CEP128: variants seen among roughly 807,000 people sequenced by gnomAD.
CEP128 encodes centrosomal protein 128, also known as centrosomal protein 128kDa.
A neutral mutation model predicts 156.7 loss-of-function variants in CEP128; 132 were observed. The observed-to-expected ratio is 0.84, with a 90% CI of 0.73 to 0.97. The LOEUF is 0.97. Ranked by LOEUF, CEP128 falls within the 50% of genes least tolerant of loss-of-function variation. The pLI, the probability that CEP128 is intolerant of heterozygous loss-of-function variation, is 0.00. For missense variants in CEP128, 1,252 were observed against 1,281.9 expected (o/e 0.98, Z 0.36); for synonymous variants, 469 against 448.9 (o/e 1.04, Z -0.57).
intron 19 of CEP128, among the ~76,000 whole-genome samples, chr14:80,632,431 A>G (rs1872137985): frequency 6.7e-6 from 1 of 148,756 alleles, no homozygotes; most frequent in African/African-American, 2.4e-5. Context: ...AATATGGTAC[A>G]TATATATCAG....
chr14:80,922,431 G>T (rs147664062), intron 2 of CEP128, among the ~76,000 whole-genome samples: 1 of 152,026 alleles, frequency 6.6e-6, no homozygotes, highest in Non-Finnish European at 1.5e-5. Flanking sequence ...TATTATTTTC[G>T]CTGTGTAGTT....
At chr14:80,677,651 G>C (rs574201604) in intron 19 of CEP128, among the ~76,000 whole-genome samples, 10 of 151,976 alleles carry the variant, frequency 6.6e-5, no homozygotes, top group African/African-American at 2.2e-4. Flanking sequence ...ACTTAAGGAA[G>C]TTGTGAGTTA....
intron 19 of CEP128, among the ~76,000 whole-genome samples, chr14:80,713,848 C>G (rs1897503468): frequency 6.6e-6 from 1 of 152,096 alleles, no homozygotes; most frequent in South Asian, 2.1e-4. Context: ...TGCAACTAGC[C>G]TATTTGCACA....
At chr14:80,651,426 C>T (rs930876708) in intron 19 of CEP128, among the ~76,000 whole-genome samples, 1 of 152,088 alleles carries the variant, frequency 6.6e-6, no homozygotes, top group African/African-American at 2.4e-5. Context: ...TTCAGTTCCA[C>T]TCTGATCTTA....
chr14:80,777,786 G>T, intron 16 of CEP128, 96 bp downstream of exon 16: 1 of 966,626 alleles, frequency 1.0e-6, no homozygotes, highest in Non-Finnish European at 1.5e-6. Context: ...TCCCTGTGAA[G>T]GACTACAATT....
intron 13 of CEP128, among the ~76,000 whole-genome samples, chr14:80,799,390 C>A (rs1007459725): frequency 2.0e-5 from 3 of 152,102 alleles, no homozygotes; most frequent in African/African-American, 4.8e-5. Flanking sequence ...TTGTGTTAAG[C>A]GTACAGATTG....
intron 19 of CEP128, among the ~76,000 whole-genome samples, chr14:80,701,658 C>T (rs989230428): frequency 9.9e-5 from 15 of 152,150 alleles, no homozygotes; most frequent in African/African-American, 3.4e-4. Flanking sequence ...CTAATTCCAA[C>T]GTTTAGTTCA....
intron 13 of CEP128, among the ~76,000 whole-genome samples, chr14:80,802,591 C>T (rs1438655083): frequency 6.6e-6 from 1 of 151,726 alleles, no homozygotes; most frequent in Non-Finnish European, 1.5e-5. Context: ...ATAGGTACAG[C>T]AAACCACCAT....
At position 80,502,062 on chromosome 14, in the gene CEP128, T is replaced by C. The variant is rs189278307; in HGVS notation, c.3181+2850A>G. ...AATTAAAAGTGGTTATAACTGTGAG[T>C]GCAGAACTGCTTCTGAGCTGCTGCT... On this transcript the variant is annotated intron_variant, in intron 24 of 24. Transcript: ENST00000555265. Among the ~76,000 whole-genome samples, 191 of 152,260 alleles carry C rather than the reference T, an allele frequency of 1.3e-3. 1 individual carries two copies. Among genetic ancestry groups the C allele is most frequent in the African/African-American group, 4.4e-3 (183 of 41,552 alleles).
chr14:80,828,123 CTTTTT>C (rs1008856396), intron 13 of CEP128, among the ~76,000 whole-genome samples: 1 of 126,968 alleles, frequency 7.9e-6, no homozygotes, highest in African/African-American at 3.1e-5. Flanking sequence ...CTTCTTTTTT[CTTTTT>C]TTTTTTTTTT....
chr14:80,648,186 C>G (rs758745542), intron 19 of CEP128, among the ~76,000 whole-genome samples: 9 of 151,986 alleles, frequency 5.9e-5, no homozygotes, highest in Admixed American at 2.6e-4. Flanking sequence ...GAACTTGGGT[C>G]TCTGAGTCAG....
chr14:80,650,176 C>T (rs1014965599), intron 19 of CEP128, among the ~76,000 whole-genome samples: 4 of 152,080 alleles, frequency 2.6e-5, no homozygotes, highest in Admixed American at 1.3e-4. Flanking sequence ...CTCTTTGCAG[C>T]AATTGTGAAT....
chr14:80,714,186 A>G (rs1897515969), intron 19 of CEP128, among the ~76,000 whole-genome samples: 1 of 152,180 alleles, frequency 6.6e-6, no homozygotes, highest in Non-Finnish European at 1.5e-5. Flanking sequence ...TCCACTCACT[A>G]AACAAGGCCA....
intron 2 of CEP128, chr14:80,955,816 C>T (rs1276734165): frequency 6.2e-7 from 1 of 1,614,106 alleles, no homozygotes; most frequent in Non-Finnish European, 8.5e-7. Flanking sequence ...GGATATTCAA[C>T]GCATCCCCAG....
chr14:80,514,856 C>T (rs1043891209), intron 23 of CEP128, among the ~76,000 whole-genome samples: 1 of 152,090 alleles, frequency 6.6e-6, no homozygotes, highest in African/African-American at 2.4e-5. Flanking sequence ...TTGGATCCAT[C>T]CTTTCTGAGA....
At chr14:80,656,323 A>ATATTTATATATATATATATATATATTT (rs1555387593) in intron 19 of CEP128, among the ~76,000 whole-genome samples, 5 of 33,494 alleles carry the variant, frequency 1.5e-4, no homozygotes, top group Non-Finnish European at 2.8e-4. Flanking sequence ...ATATATATAT[A>ATATTTATATATATATATATATATATTT]TATATATATA....
At position 80,784,911 on chromosome 14, in the gene CEP128, T is replaced by G. The variant is rs327463; in HGVS notation, c.2195A>C (p.His732Pro). 1 of 1,609,098 alleles carries G rather than the reference T, an allele frequency of 6.2e-7. No homozygotes were observed. The highest frequency in any genetic ancestry group is 8.5e-7 in the Non-Finnish European group (1 of 1,177,286). The change falls in exon 15 of 25, where the codon CAT becomes CCT. Residue 732 changes from histidine to proline, a missense_variant. Physicochemically the swap from His to Pro is moderately conservative, Grantham distance 77. Transcript: ENST00000555265. The part of the protein sequence containing the change: ...FKKEKSEAEN[H>P]IRTLKAESLE... ...CAGAGGTACCTTCAGAGTCCTGATA[T>G]GATTCTCAGCCTCACTCTTTTCTTT...
intron 8 of CEP128, among the ~76,000 whole-genome samples, chr14:80,883,207 A>C (rs142859724): frequency 5.6e-4 from 86 of 152,228 alleles, no homozygotes; most frequent in Non-Finnish European, 1.1e-3. Flanking sequence ...TTAAATAAAA[A>C]ATTTTTTAAA....
At chr14:80,913,380 T>C (rs1884358175) in intron 4 of CEP128, among the ~76,000 whole-genome samples, 1 of 152,246 alleles carries the variant, frequency 6.6e-6, no homozygotes, top group Non-Finnish European at 1.5e-5. Flanking sequence ...ATATACATTA[T>C]TAAATTTTAA....
Sources: gnomAD v4.1 joint callset for allele counts (sites outside exome capture counted in the v4.1 genomes callset) on GRCh38, gnomAD v4.1.1 for gene constraint, MANE v1.5 for transcripts, NCBI Gene and HGNC (gene_info 2026-07-23, HGNC 2026-07-21) for gene names.